TGS1: variants seen among roughly 807,000 people sequenced by gnomAD.
TGS1 encodes trimethylguanosine synthase.
Under a neutral mutation model 92.2 loss-of-function variants are expected in TGS1, and 69 were observed. That is an observed-to-expected ratio of 0.75 (90% CI 0.62 to 0.91). TGS1 has a LOEUF of 0.91. Ranked by LOEUF, TGS1 falls within the 40% of genes least tolerant of loss-of-function variation. The pLI, the probability that TGS1 is intolerant of heterozygous loss-of-function variation, is 0.00. For synonymous variants in TGS1, 345 were observed against 338.1 expected, an observed-to-expected ratio of 1.02 and a Z score of -0.22; for missense variants, 1,062 against 1,001.2, an observed-to-expected ratio of 1.06 and a Z score of -0.82.
intron 6 of TGS1, among the ~76,000 whole-genome samples, chr8:55,793,766 A>ATTT (rs1325485208): frequency 5.5e-5 from 7 of 127,180 alleles, no homozygotes; most frequent in African/African-American, 2.2e-4. Context: ...TTATTTATTT[A>ATTT]TTTATTTATT....
intron 4 of TGS1, among the ~76,000 whole-genome samples, chr8:55,789,128 T>C (rs1449514234): frequency 6.6e-6 from 1 of 152,214 alleles, no homozygotes; most frequent in African/African-American, 2.4e-5. Context: ...TATGCTTCTA[T>C]GTAAGTATGT....
chr8:55,800,167 G>A (rs1463455591), intron 8 of TGS1, among the ~76,000 whole-genome samples: 1 of 151,758 alleles, frequency 6.6e-6, no homozygotes, highest in African/African-American at 2.4e-5. Flanking sequence ...CTTAGTGCAA[G>A]TGTGGGTGTA....
chr8:55,782,682 G>C (rs1811599785), intron 1 of TGS1, 66 bp from the exon 2 acceptor site: 1 of 1,244,140 alleles, frequency 8.0e-7, no homozygotes, highest in East Asian at 2.5e-5. Context: ...GATGGCTCGA[G>C]ATTTCTTTCC....
chr8:55,803,130 GGTGTGT>G (rs1554562881), intron 9 of TGS1, among the ~76,000 whole-genome samples: 4 of 143,678 alleles, frequency 2.8e-5, no homozygotes, highest in Admixed American at 1.4e-4. Context: ...AATTTGGGGG[GGTGTGT>G]GTGTGTGTGT....
chr8:55,826,095 C>A lies in TGS1; in HGVS notation c.*1392C>A, dbSNP rs1330162851. On this transcript the variant is annotated 3_prime_UTR_variant, in exon 13 of 13. Coordinates refer to ENST00000260129, the MANE Select transcript of TGS1 (RefSeq NM_024831.8). ...TCGATCTCCTGACCTTGTGATCCAACCACCTCAGCCTCCCGTAGTTCTGGG... is the reference window on the plus strand; with the variant it reads ...TCGATCTCCTGACCTTGTGATCCAAACACCTCAGCCTCCCGTAGTTCTGGG... Among the ~76,000 whole-genome samples, 1 of 152,102 alleles carries A rather than the reference C, an allele frequency of 6.6e-6. No individual in the cohort carries two copies. The highest frequency in any genetic ancestry group is 1.9e-4 in the East Asian group (1 of 5,188).
At chr8:55,775,185 T>G (rs143554171) in intron 1 of TGS1, among the ~76,000 whole-genome samples, 1 of 149,350 alleles carries the variant, frequency 6.7e-6, no homozygotes, top group East Asian at 2.0e-4. Flanking sequence ...GCCCAGGAGA[T>G]CCAGGCTGCA....
At chr8:55,789,865 C>T (rs558331475) in intron 4 of TGS1, among the ~76,000 whole-genome samples, 2 of 152,308 alleles carry the variant, frequency 1.3e-5, no homozygotes, top group East Asian at 1.9e-4. Flanking sequence ...GTGCTTGATA[C>T]AAGAGTAGGT....
chr8:55,795,366 T>C (rs1812007922), intron 6 of TGS1, among the ~76,000 whole-genome samples: 1 of 152,230 alleles, frequency 6.6e-6, no homozygotes, highest in Admixed American at 6.5e-5. Flanking sequence ...TTCTGGATTT[T>C]ATAAATGCTA....
intron 6 of TGS1, 76 bp from the exon 7 acceptor site, chr8:55,795,902 G>A (rs1812029991): frequency 8.9e-7 from 1 of 1,124,968 alleles, no homozygotes; most frequent in Non-Finnish European, 1.3e-6. Context: ...GAAAATGTTA[G>A]TTTCATCCTC....
At chr8:55,805,626 C>G (rs1475091539) in intron 10 of TGS1, among the ~76,000 whole-genome samples, 4 of 152,162 alleles carry the variant, frequency 2.6e-5, no homozygotes, top group African/African-American at 4.8e-5. Context: ...TGGCTTACCC[C>G]TGTAATCCCG....
intron 10 of TGS1, among the ~76,000 whole-genome samples, chr8:55,805,929 G>C (rs1812355496): frequency 6.7e-6 from 1 of 149,714 alleles, no homozygotes; most frequent in African/African-American, 2.4e-5. Flanking sequence ...AGGCGTGGTG[G>C]TGTGTGCCTA....
Position 55,802,353 on chromosome 8 carries a change from G to A in TGS1, c.1850-104G>A, listed in dbSNP as rs181347084. The A allele has an allele frequency of 1.5e-3, 1,455 of 948,248 alleles. 1 individual carries two copies. Among genetic ancestry groups the A allele is most frequent in the Non-Finnish European group, 2.2e-3 (1,336 of 613,972 alleles). 58.7% of individuals were successfully genotyped at this position (948,248 alleles called of 1,614,324 possible). ...TCTCTGGGCGTGTCATTATATACAT[G>A]TTCTGCTTGTAATTATTTGATGTGG... On this transcript the variant is annotated intron_variant, in intron 8 of 12. Coordinates refer to ENST00000260129, the MANE Select transcript of TGS1 (RefSeq NM_024831.8).
intron 11 of TGS1, 29 bp from the exon 12 acceptor site, chr8:55,813,011 T>C (rs574846093): frequency 1.4e-6 from 2 of 1,467,876 alleles, no homozygotes; most frequent in African/African-American, 1.4e-5. Flanking sequence ...AGCTGCTGTT[T>C]TCATTATTTT....
intron 4 of TGS1, 68 bp from the exon 5 acceptor site, chr8:55,790,114 C>T (rs924821320): frequency 3.6e-6 from 4 of 1,126,644 alleles, no homozygotes; most frequent in African/African-American, 3.1e-5. Context: ...TTTTCATTGG[C>T]TTTGCAAATA....
chr8:55,801,593 T>TTTC (rs1169241763), intron 8 of TGS1, among the ~76,000 whole-genome samples: 1 of 112,708 alleles, frequency 8.9e-6, no homozygotes, highest in Non-Finnish European at 1.8e-5. Context: ...TTTTTTTTTT[T>TTTC]TTTTTTTTTT....
intron 12 of TGS1, among the ~76,000 whole-genome samples, chr8:55,817,665 A>C (rs1355319783): frequency 6.6e-6 from 1 of 152,178 alleles, no homozygotes; most frequent in African/African-American, 2.4e-5. Flanking sequence ...TATAGTGGAA[A>C]TCTAATCTAA....
intron 7 of TGS1, among the ~76,000 whole-genome samples, chr8:55,798,407 T>C (rs1812120967): frequency 6.6e-6 from 1 of 152,248 alleles, no homozygotes; most frequent in South Asian, 2.1e-4. Flanking sequence ...CTTTGATTTT[T>C]TTCCAAGGTA....
intron 1 of TGS1, among the ~76,000 whole-genome samples, chr8:55,776,036 C>T (rs1227331021): frequency 6.6e-6 from 1 of 152,118 alleles, no homozygotes; most frequent in South Asian, 2.1e-4. Context: ...GCAGACAAAA[C>T]CCCTCAGACA....
intron 1 of TGS1, 69 bp downstream of exon 1, chr8:55,773,788 G>C: frequency 7.6e-7 from 1 of 1,308,590 alleles, no homozygotes; most frequent in Non-Finnish European, 1.1e-6. Flanking sequence ...TATTGCAAAC[G>C]TGGTTGTAAT....
Sources: allele counts gnomAD v4.1 joint callset (sites outside exome capture counted in the v4.1 genomes callset), GRCh38; gene constraint gnomAD v4.1.1; transcripts MANE v1.5; gene names NCBI Gene and HGNC (gene_info 2026-07-23, HGNC 2026-07-21).